PCDHB9: variants seen among roughly 807,000 people sequenced by gnomAD.
The protein encoded by PCDHB9 is protocadherin beta 9, also known as protocadherin beta-9.
For synonymous variants in PCDHB9, 501 were observed against 439.7 expected (o/e 1.14, Z -1.75); for missense variants, 1,072 against 995.1 (o/e 1.08, Z -1.04).
rs1312661298 is a variant in PCDHB9 at position 141,190,428 on chromosome 5, C to T, written c.*716C>T. 1 of 151,908 alleles carries T rather than the reference C, an allele frequency of 6.6e-6. No homozygotes were observed. The highest frequency in any genetic ancestry group is 1.5e-5 in the Non-Finnish European group (1 of 67,986). 9.4% of individuals were successfully genotyped at this position (151,908 alleles called of 1,614,324 possible). A position where few individuals can be genotyped will look rare whatever the true frequency, so the allele number is the denominator to read the frequency against. ...TGACCTCGTGATCCACCCCACTCAG[C>T]CTCCCAAATTGCTGGGATTTACAGG... is the stretch of plus-strand genomic sequence containing the variant. On this transcript the variant is annotated 3_prime_UTR_variant, in exon 1 of 1. Coordinates refer to ENST00000316105, the MANE Select transcript of PCDHB9 (RefSeq NM_019119.5).
Position 141,189,428 on chromosome 5 carries a change from T to G in PCDHB9, c.2110T>G (p.Ser704Ala). 6.2e-7 allele frequency: 1 copy of G among 1,611,734 alleles called. No homozygotes were observed. The highest frequency in any genetic ancestry group is 8.5e-7 in the Non-Finnish European group (1 of 1,179,694). ...CTCGGTGTCTTCGCTCTTCCTCCTC[T>G]CGGTGCTCCTGTTCGTGGCGGTGCG... ...LASVSSLFLL[S>A]VLLFVAVRLC... Residue 704 changes from serine (S) to alanine (A), a missense_variant, in exon 1 of 1, where the codon TCG becomes GCG. Transcript: ENST00000316105.
In PCDHB9 at chr5:141,190,185, T is replaced by G. The variant is rs1435131923; in HGVS notation, c.*473T>G. 2.7e-5 allele frequency: 4 copies of G among 150,002 alleles called. No homozygotes were observed. Among genetic ancestry groups the G allele is most frequent in the South Asian group, 2.1e-4 (1 of 4,786 alleles). 9.3% of individuals were successfully genotyped at this position (150,002 alleles called of 1,614,324 possible). ...TTGTTTGTTTTTTGGTTTGTTTGTT[T>G]TTTTTTTTTTTGAGACGGAGTCTCG... On this transcript the variant is annotated 3_prime_UTR_variant, in exon 1 of 1. Transcript: ENST00000316105.
In PCDHB9 at chr5:141,188,132, G is replaced by A. The variant is rs1753786288; in HGVS notation, c.814G>A (p.Gly272Arg). 1.2e-5 allele frequency: 19 copies of A among 1,612,670 alleles called. No individual in the cohort carries two copies. Among genetic ancestry groups the A allele is most frequent in the Non-Finnish European group, 1.6e-5 (19 of 1,179,162 alleles). ...VKVSAGDADSGVNAEVSYSFF... is the reference protein window; with the variant it reads ...VKVSAGDADSRVNAEVSYSFF... The stretch of plus-strand genomic sequence containing the variant: ...AGTGTCTGCAGGAGATGCAGACTCA[G>A]GAGTCAATGCAGAAGTATCCTATTC... The change falls in exon 1 of 1, where the codon GGA (glycine) becomes AGA (arginine). Residue 272 changes from glycine (G) to arginine (R), a missense_variant. Physicochemically the swap from Gly to Arg is moderately radical, Grantham distance 125. Coordinates refer to ENST00000316105, the MANE Select transcript of PCDHB9 (RefSeq NM_019119.5).
At position 141,188,696 on chromosome 5, in the gene PCDHB9, G is replaced by T. The variant is rs369914377; in HGVS notation, c.1378G>T (p.Val460Phe). The T allele has an allele frequency of 2.8e-5, 45 of 1,613,808 alleles. No homozygotes were observed. Among genetic ancestry groups the T allele is most frequent in the Non-Finnish European group, 3.7e-5 (44 of 1,180,052 alleles). ...AFTQTSYTLF[V>F]RENNSPALHI... ...CACCCAAACCTCCTACACCCTGTTC[G>T]TCCGGGAGAACAACAGCCCCGCCCT... The change falls in exon 1 of 1, where the codon GTC becomes TTC. Residue 460 changes from valine (V) to phenylalanine (F), a missense_variant. Transcript: ENST00000316105.
chr5:141,187,972 G>A lies in PCDHB9; in HGVS notation c.654G>A (p.Gly218=). 3.7e-6 allele frequency: 6 copies of A among 1,614,006 alleles called. No individual in the cohort carries two copies. The highest frequency in any genetic ancestry group is 4.2e-6 in the Non-Finnish European group (5 of 1,179,976). ...TAACCCTCACAGCGCTGGATGGTGG[G>A]TCTCCATCCAGGTCTGGGACCTCCA... ...LSLTLTALDG[G]SPSRSGTSTI... Residue 218 remains glycine, a synonymous_variant, in exon 1 of 1, where the codon GGG becomes GGA. Coordinates refer to ENST00000316105, the MANE Select transcript of PCDHB9 (RefSeq NM_019119.5).
rs1554283050 is a variant in PCDHB9 at position 141,188,624 on chromosome 5, A to G, written c.1306A>G (p.Ser436Gly). 1.2e-6 allele frequency: 2 copies of G among 1,614,072 alleles called. No homozygotes were observed. The highest frequency in any genetic ancestry group is 1.7e-6 in the Non-Finnish European group (2 of 1,180,044). ...GACACCCAGGCTGAAAACCGAGCACAGCATAACCCTGCAGGTCTCCGACGT... is the reference window on the plus strand; with the variant it reads ...GACACCCAGGCTGAAAACCGAGCACGGCATAACCCTGCAGGTCTCCGACGT... ...LGTPRLKTEH[S>G]ITLQVSDVND... The change falls in exon 1 of 1, where the codon AGC becomes GGC. Residue 436 changes from serine (S) to glycine (G), a missense_variant. Transcript: ENST00000316105.
Position 141,187,377 on chromosome 5 carries a change from T to A in PCDHB9, c.59T>A (p.Phe20Tyr), listed in dbSNP as rs1554282770. 1.2e-6 allele frequency: 2 copies of A among 1,614,186 alleles called. No homozygotes were observed. Among genetic ancestry groups the A allele is most frequent in the Non-Finnish European group, 1.7e-6 (2 of 1,180,036 alleles). ...AGGCAAGTCCTGTTTCTTTTTCTTT[T>A]CTGGGGAGTGTCCTTGGCAGGTTCT... ...RQRQVLFLFL[F>Y]WGVSLAGSGF... The change falls in exon 1 of 1, where the codon TTC becomes TAC. Residue 20 changes from phenylalanine (F) to tyrosine (Y), a missense_variant. Transcript: ENST00000316105.
chr5:141,190,184 T>TG lies in PCDHB9; in HGVS notation c.*472_*473insG, dbSNP rs1411672821. The TG allele has an allele frequency of 2.1e-5, 3 of 140,972 alleles. No individual in the cohort carries two copies. Among genetic ancestry groups the TG allele is most frequent in the East Asian group, 1.9e-4 (1 of 5,188 alleles). The allele number at this position is 140,972 out of a possible 1,614,324, so 8.7% of individuals were successfully genotyped here. On this transcript the variant is annotated 3_prime_UTR_variant, in exon 1 of 1. Transcript: ENST00000316105. ...TTTGTTTGTTTTTTGGTTTGTTTGT[T>TG]TTTTTTTTTTTTGAGACGGAGTCTC...
At position 141,188,006 on chromosome 5, in the gene PCDHB9, A is replaced by G. The variant is rs782784861; in HGVS notation, c.688A>G (p.Ile230Val). The G allele has an allele frequency of 1.2e-6, 2 of 1,613,898 alleles. No homozygotes were observed. The highest frequency in any genetic ancestry group is 1.7e-6 in the Non-Finnish European group (2 of 1,180,006). The change falls in exon 1 of 1, where the codon ATT (isoleucine) becomes GTT (valine). Residue 230 changes from isoleucine (I) to valine (V), a missense_variant. Ile to Val is a conservative substitution (Grantham distance 29, BLOSUM62 3). Coordinates refer to ENST00000316105, the MANE Select transcript of PCDHB9 (RefSeq NM_019119.5). ...CAGGTCTGGGACCTCCACTATACGC[A>G]TTGTGGTCTTGGATGTCAATGACAA... ...PSRSGTSTIR[I>V]VVLDVNDNVP...
chr5:141,189,691 T>G lies in PCDHB9; in HGVS notation c.2373T>G (p.Asn791Lys). The change falls in exon 1 of 1, where the codon AAT (asparagine) becomes AAG (lysine). Residue 791 changes from asparagine (N) to lysine (K), a missense_variant. Coordinates refer to ENST00000316105, the MANE Select transcript of PCDHB9 (RefSeq NM_019119.5). ...TAGAGGAAAATTCTACTCTCCCCAATAGCTTTGGATTTAATTATTGAAAGG... is the reference window on the plus strand; with the variant it reads ...TAGAGGAAAATTCTACTCTCCCCAAGAGCTTTGGATTTAATTATTGAAAGG... ...KEIEENSTLPNSFGFNY is the reference protein window; with the variant it reads ...KEIEENSTLPKSFGFNY 2 of 1,589,300 alleles carry G rather than the reference T, an allele frequency of 1.3e-6. No individual in the cohort carries two copies. Among genetic ancestry groups the G allele is most frequent in the South Asian group, 2.3e-5 (2 of 88,468 alleles).
chr5:141,190,378 A>G lies in PCDHB9; in HGVS notation c.*666A>G, dbSNP rs1753873926. 6.6e-6 allele frequency: 1 copy of G among 151,884 alleles called. No homozygotes were observed. Among genetic ancestry groups the G allele is most frequent in the Non-Finnish European group, 1.5e-5 (1 of 68,006 alleles). The allele number at this position is 151,884 out of a possible 1,614,324, so 9.4% of individuals were successfully genotyped here. On this transcript the variant is annotated 3_prime_UTR_variant, in exon 1 of 1. Transcript: ENST00000316105. Reference sequence around the variant, plus strand: ...ATTTTCAGTAGAGACGGGTTTCATCATGGTGGCCAGGATGGTCTATCTCTT... The same window carrying G: ...ATTTTCAGTAGAGACGGGTTTCATCGTGGTGGCCAGGATGGTCTATCTCTT...
Position 141,189,317 on chromosome 5 carries a change from T to C in PCDHB9, c.1999T>C (p.Ser667Pro). 1 of 1,610,326 alleles carries C rather than the reference T, an allele frequency of 6.2e-7. No individual in the cohort carries two copies. Among genetic ancestry groups the C allele is most frequent in the Non-Finnish European group, 8.5e-7 (1 of 1,179,738 alleles). The change falls in exon 1 of 1, where the codon TCC becomes CCC. Residue 667 changes from serine (S) to proline (P), a missense_variant. By Grantham distance (74) the Ser-to-Pro change is moderately conservative. Transcript: ENST00000316105. The part of the protein sequence containing the change: ...TLHVLLVDGF[S>P]QPYLPLPEAA... The stretch of plus-strand genomic sequence containing the variant: ...GCACGTGCTCCTGGTGGACGGCTTC[T>C]CCCAGCCCTACCTGCCTCTCCCGGA...
rs782535641 is a variant in PCDHB9, at chr5:141,187,306, G to A, written c.-13G>A. ...CAGTGTGATTGAGACTGACATTGAG[G>A]AAAGAAGCAGCTATGAAGACCAGGG... is the stretch of plus-strand genomic sequence containing the variant. On this transcript the variant is annotated 5_prime_UTR_variant, in exon 1 of 1. Coordinates refer to ENST00000316105, the MANE Select transcript of PCDHB9 (RefSeq NM_019119.5). The A allele has an allele frequency of 5.0e-6, 8 of 1,609,416 alleles. No individual in the cohort carries two copies. The highest frequency in any genetic ancestry group is 1.7e-4 in the Middle Eastern group (1 of 6,042).
Position 141,189,964 on chromosome 5 carries a change from AT to A in PCDHB9, c.*253del, listed in dbSNP as rs3832326. On this transcript the variant is annotated 3_prime_UTR_variant, in exon 1 of 1. Coordinates refer to ENST00000316105, the MANE Select transcript of PCDHB9 (RefSeq NM_019119.5). ...ATTTAAAAATTTTTGGTCGTTTTAA[AT>A]GTCTTTATTGACTTTAAATTCATTG... 60,683 of 366,406 alleles carry A rather than the reference AT, an allele frequency of 0.17. 5,654 individuals are homozygous for A. Among genetic ancestry groups the A allele is most frequent in the African/African-American group, 0.24 (11,442 of 47,572 alleles). The allele number at this position is 366,406 out of a possible 1,614,324, so 22.7% of individuals were successfully genotyped here.
rs782183763 is a variant in PCDHB9 at position 141,189,586 on chromosome 5, T to TG, written c.2270dup (p.Gly758ArgfsTer21). The TG allele has an allele frequency of 5.2e-5, 84 of 1,614,058 alleles. 1 individual carries two copies. Among genetic ancestry groups the TG allele is most frequent in the Middle Eastern group, 5.0e-4 (3 of 6,060 alleles). On this transcript the variant is annotated frameshift_variant, in exon 1 of 1. Coordinates refer to ENST00000316105, the MANE Select transcript of PCDHB9 (RefSeq NM_019119.5). LOFTEE classifies it low-confidence loss of function (END_TRUNC). Reference sequence around the variant, plus strand: ...GCTACCAGTACGAGGTGTGTCTGACTGGAGGTTCAGAGACCGGCGAGTTCA... The same window carrying TG: ...GCTACCAGTACGAGGTGTGTCTGACTGGGAGGTTCAGAGACCGGCGAGTTCA...
In PCDHB9 at chr5:141,187,387, G is replaced by A. The variant is rs1554282774; in HGVS notation, c.69G>A (p.Val23=). Residue 23 remains valine, a synonymous_variant, in exon 1 of 1, where the codon GTG becomes GTA. Transcript: ENST00000316105. ...TGTTTCTTTTTCTTTTCTGGGGAGT[G>A]TCCTTGGCAGGTTCTGGGTTTGGAC... The part of the protein sequence containing the change: ...QVLFLFLFWG[V]SLAGSGFGRY... The A allele has an allele frequency of 1.2e-6, 2 of 1,614,144 alleles. No individual in the cohort carries two copies. The highest frequency in any genetic ancestry group is 3.3e-5 in the Admixed American group (2 of 60,022).
At position 141,190,293 on chromosome 5, in the gene PCDHB9, C is replaced by T. The variant is rs1433638029; in HGVS notation, c.*581C>T. On this transcript the variant is annotated 3_prime_UTR_variant, in exon 1 of 1. Coordinates refer to ENST00000316105, the MANE Select transcript of PCDHB9 (RefSeq NM_019119.5). ...TCCCAGGTTCAAGCGATTCTCCTGC[C>T]TCAGCCTCCAGAGTATCTGGGACTA... 6.6e-6 allele frequency: 1 copy of T among 152,596 alleles called. No homozygotes were observed. Among genetic ancestry groups the T allele is most frequent in the Non-Finnish European group, 1.5e-5 (1 of 68,612 alleles). 9.5% of individuals were successfully genotyped at this position (152,596 alleles called of 1,614,324 possible).
Position 141,188,738 on chromosome 5 carries a change from A to G in PCDHB9, c.1420A>G (p.Ser474Gly), listed in dbSNP as rs1218408560. Reference sequence around the variant, plus strand: ...CCCCGCCCTGCACATCGGCAGTGTCAGCGCCACAGACAGAGACTCAGGCAC... The same window carrying G: ...CCCCGCCCTGCACATCGGCAGTGTCGGCGCCACAGACAGAGACTCAGGCAC... The part of the protein sequence containing the change: ...NSPALHIGSV[S>G]ATDRDSGTNA... The change falls in exon 1 of 1, where the codon AGC becomes GGC. Residue 474 changes from serine to glycine, a missense_variant. Transcript: ENST00000316105. 5.6e-6 allele frequency: 9 copies of G among 1,613,196 alleles called. No individual in the cohort carries two copies. The highest frequency in any genetic ancestry group is 1.3e-5 in the African/African-American group (1 of 74,854).
Position 141,188,894 on chromosome 5 carries a change from G to T in PCDHB9, c.1576G>T (p.Ala526Ser). Reference sequence around the variant, plus strand: ...GTCGCTGGACTACGAGGCCCTGCAGGCTTTCGACTTCCGCGTGGGCGCCTC... The same window carrying T: ...GTCGCTGGACTACGAGGCCCTGCAGTCTTTCGACTTCCGCGTGGGCGCCTC... ...LRSLDYEALQ[A>S]FDFRVGASDR... is the part of the protein sequence containing the mutation. Residue 526 changes from alanine to serine, a missense_variant, in exon 1 of 1, where the codon GCT becomes TCT. Transcript: ENST00000316105. 1.2e-6 allele frequency: 2 copies of T among 1,612,512 alleles called. No homozygotes were observed. Among genetic ancestry groups the T allele is most frequent in the Non-Finnish European group, 8.5e-7 (1 of 1,179,906 alleles).
Sources: allele counts gnomAD v4.1 joint callset, GRCh38; gene constraint gnomAD v4.1.1; transcripts MANE v1.5; gene names NCBI Gene and HGNC (gene_info 2026-07-23, HGNC 2026-07-21).